CSMD1: variants seen among roughly 807,000 people sequenced by gnomAD.
The protein encoded by CSMD1 is CUB and Sushi multiple domains 1.
Under a neutral mutation model 417.5 loss-of-function variants are expected in CSMD1, and 213 were observed. The ratio of observed to expected loss-of-function variants is 0.51; its 90% CI spans 0.46 to 0.57. The LOEUF (loss-of-function observed/expected upper bound fraction) is 0.57. Ranked by LOEUF, CSMD1 falls within the 20% of genes least tolerant of loss-of-function variation. CSMD1 has a pLI of 0.00. For synonymous variants in CSMD1, 2,862 were observed against 1,736.8 expected (o/e 1.65, Z -16.11); for missense variants, 6,923 against 4,529.7 (o/e 1.53, Z -15.17).
At chr8:4,229,551 G>A (rs1331266338) in intron 3 of CSMD1, among the ~76,000 whole-genome samples, 1 of 152,076 alleles carries the variant, frequency 6.6e-6, no homozygotes, top group East Asian at 1.9e-4. Context: ...CACTTACCCA[G>A]CATTCCCCAT....
At chr8:4,675,958 G>A (rs1010074395) in intron 1 of CSMD1, among the ~76,000 whole-genome samples, 1 of 152,176 alleles carries the variant, frequency 6.6e-6, no homozygotes, top group Non-Finnish European at 1.5e-5. Flanking sequence ...TTTTATGGAT[G>A]TGTCTGCCTT....
At chr8:4,464,439 G>C (rs1563203896) in intron 2 of CSMD1, among the ~76,000 whole-genome samples, 1 of 152,114 alleles carries the variant, frequency 6.6e-6, no homozygotes, top group Admixed American at 6.5e-5. Context: ...AACACACTCA[G>C]AACACGCACA....
intron 1 of CSMD1, among the ~76,000 whole-genome samples, chr8:4,941,162 T>A (rs914174166): frequency 6.6e-6 from 1 of 152,202 alleles, no homozygotes; most frequent in Admixed American, 6.5e-5. Flanking sequence ...GATCACTCAA[T>A]AAATATTAAA....
At position 4,788,615 on chromosome 8, in the gene CSMD1, G is replaced by C. The variant is rs1000826522; in HGVS notation, c.86-151057C>G. ...AACAATGCCATTGAAATTTTTAGGG[G>C]AAAAACTACAAATTTCTAATTTAGC... is the stretch of plus-strand genomic sequence containing the variant. On this transcript the variant is annotated intron_variant, in intron 1 of 69. Coordinates refer to ENST00000635120, the MANE Select transcript of CSMD1 (RefSeq NM_033225.6). 1.2e-5 allele frequency: 11 copies of C among 920,460 alleles called. No homozygotes were observed. The African/African-American group carries it at 1.7e-4, about 14-fold the overall frequency. 57.0% of individuals were successfully genotyped at this position (920,460 alleles called of 1,614,324 possible).
At chr8:3,876,821 A>G (rs1362941321) in intron 5 of CSMD1, among the ~76,000 whole-genome samples, 1 of 152,178 alleles carries the variant, frequency 6.6e-6, no homozygotes, top group East Asian at 1.9e-4. Context: ...CATGTTGCCC[A>G]AGGTGGTCTT....
chr8:3,298,664 G>A (rs1234555383), intron 25 of CSMD1, among the ~76,000 whole-genome samples: 1 of 152,168 alleles, frequency 6.6e-6, no homozygotes, highest in Middle Eastern at 3.2e-3. Context: ...ATGTTGATCA[G>A]GTTGGTCTTG....
intron 5 of CSMD1, among the ~76,000 whole-genome samples, chr8:3,792,327 T>C (rs1296391351): frequency 6.6e-6 from 1 of 152,018 alleles, no homozygotes; most frequent in African/African-American, 2.4e-5. Flanking sequence ...TGGGAGATAA[T>C]AATAATAAAA....
intron 3 of CSMD1, among the ~76,000 whole-genome samples, chr8:4,225,687 T>A (rs556335563): frequency 4.5e-4 from 69 of 152,278 alleles, no homozygotes; most frequent in African/African-American, 1.3e-3. Context: ...TAGGAAACTG[T>A]CTCACCAGGC....
intron 1 of CSMD1, among the ~76,000 whole-genome samples, chr8:4,856,337 C>T (rs1164513314): frequency 2.8e-5 from 4 of 145,386 alleles, no homozygotes; most frequent in African/African-American, 1.0e-4. Context: ...ACCATCGAGA[C>T]TAGGAAGAAA....
intron 3 of CSMD1, among the ~76,000 whole-genome samples, chr8:4,121,353 G>T (rs1363807503): frequency 6.6e-6 from 1 of 152,048 alleles, no homozygotes; most frequent in Non-Finnish European, 1.5e-5. Flanking sequence ...GACCTCAGAT[G>T]ATCCACCCAC....
chr8:4,932,243 T>C (rs1036968642), intron 1 of CSMD1, among the ~76,000 whole-genome samples: 3 of 91,314 alleles, frequency 3.3e-5, no homozygotes, highest in African/African-American at 1.3e-4. Flanking sequence ...CTTTTAAATA[T>C]AACTTCTCTG....
intron 3 of CSMD1, among the ~76,000 whole-genome samples, chr8:4,133,694 C>T (rs1803246337): frequency 1.0e-5 from 1 of 98,568 alleles, no homozygotes; most frequent in Non-Finnish European, 2.1e-5. Flanking sequence ...ATTTTTACAC[C>T]ATAATACATA....
intron 5 of CSMD1, among the ~76,000 whole-genome samples, chr8:3,878,340 T>A (rs1423153307): frequency 6.6e-6 from 1 of 152,198 alleles, no homozygotes; most frequent in Non-Finnish European, 1.5e-5. Context: ...AAAATATTCT[T>A]ACACGTGTAT....
intron 3 of CSMD1, among the ~76,000 whole-genome samples, chr8:4,298,281 CAAT>C (rs1797794262): frequency 1.3e-5 from 2 of 152,160 alleles, no homozygotes; most frequent in African/African-American, 2.4e-5. Flanking sequence ...TAAGAAGTTA[CAAT>C]AATAATGTTT....
At chr8:4,961,867 C>T (rs1325765923) in intron 1 of CSMD1, among the ~76,000 whole-genome samples, 1 of 148,598 alleles carries the variant, frequency 6.7e-6, no homozygotes, top group Non-Finnish European at 1.5e-5. Context: ...TTTAAATTTT[C>T]ATCATTTTCT....
intron 3 of CSMD1, among the ~76,000 whole-genome samples, chr8:4,362,432 C>G (rs1407698532): frequency 6.6e-6 from 1 of 152,126 alleles, no homozygotes; most frequent in Non-Finnish European, 1.5e-5. Context: ...TAACTTTGGA[C>G]AAGAAGAGTT....
At chr8:4,108,157 C>G (rs1003426972) in intron 3 of CSMD1, among the ~76,000 whole-genome samples, 2 of 151,560 alleles carry the variant, frequency 1.3e-5, no homozygotes, top group African/African-American at 4.9e-5. Context: ...AGAAGAGAGA[C>G]AGTTTTATTT....
rs1401581097 is a variant in CSMD1, at chr8:3,505,128, G to A, written c.1345-11402C>T. On this transcript the variant is annotated intron_variant, in intron 10 of 69. Transcript: ENST00000635120. ...ACCCAAGCATCACAGGCAGATTTCA[G>A]TAAATTATTGAAATCTGCCCTCAGA... 3.3e-5 allele frequency among the ~76,000 whole-genome samples: 5 copies of A among 152,250 alleles called. No homozygotes were observed. In the East Asian group the frequency reaches 9.7e-4, roughly 29 times the overall value.
At chr8:3,469,503 G>T (rs1816965071) in intron 11 of CSMD1, among the ~76,000 whole-genome samples, 1 of 152,150 alleles carries the variant, frequency 6.6e-6, no homozygotes, top group Non-Finnish European at 1.5e-5. Context: ...TAACAAAACA[G>T]TCACATAGGG....
Sources: gnomAD v4.1 joint callset for allele counts (sites outside exome capture counted in the v4.1 genomes callset) on GRCh38, gnomAD v4.1.1 for gene constraint, MANE v1.5 for transcripts, NCBI Gene and HGNC (gene_info 2026-07-23, HGNC 2026-07-21) for gene names.